Variants in TRIM22 observed in about 807,000 individuals in gnomAD.
The protein encoded by TRIM22 is tripartite motif containing 22.
A neutral mutation model predicts 53.6 loss-of-function variants in TRIM22; 45 were observed. The ratio of observed to expected loss-of-function variants is 0.84; its 90% CI spans 0.66 to 1.08. The LOEUF (loss-of-function observed/expected upper bound fraction) is 1.08, where lower values mean the gene tolerates loss of function less well. Ranked by LOEUF, TRIM22 falls within the 50% of genes least tolerant of loss-of-function variation. TRIM22 has a pLI of 0.00. For missense variants in TRIM22, 616 were observed against 590.9 expected (o/e 1.04, Z -0.44); for synonymous variants, 225 against 216.6 (o/e 1.04, Z -0.34).
At chr11:5,705,986 C>T (rs1853452166) in intron 4 of TRIM22, among the ~76,000 whole-genome samples, 1 of 152,098 alleles carries the variant, frequency 6.6e-6, no homozygotes, top group South Asian at 2.1e-4. Flanking sequence ...CTTTTGCTCA[C>T]GGCAACAGTA....
chr11:5,691,937 T>A (rs1277659142), intron 1 of TRIM22, among the ~76,000 whole-genome samples: 4 of 152,168 alleles, frequency 2.6e-5, no homozygotes, highest in African/African-American at 7.2e-5. Context: ...CAGGACCCAA[T>A]AAATAAAACT....
intron 4 of TRIM22, among the ~76,000 whole-genome samples, chr11:5,700,738 G>A (rs1414378030): frequency 2.6e-5 from 4 of 151,298 alleles, no homozygotes; most frequent in African/African-American, 4.9e-5. Context: ...GGGTTCAAGC[G>A]ATTCTCCTGC....
At chr11:5,707,841 G>T (rs1303725725) in intron 5 of TRIM22, among the ~76,000 whole-genome samples, 1 of 141,804 alleles carries the variant, frequency 7.1e-6, no homozygotes, top group South Asian at 2.1e-4. Context: ...ACAAACAAAA[G>T]CATTATTATT....
chr11:5,704,449 G>T (rs1469692447), intron 4 of TRIM22, among the ~76,000 whole-genome samples: 1 of 152,016 alleles, frequency 6.6e-6, no homozygotes, highest in African/African-American at 2.4e-5. Context: ...TTATCAGTTT[G>T]TTGAGAGGTT....
intron 1 of TRIM22, among the ~76,000 whole-genome samples, chr11:5,690,467 G>C (rs1023929914): frequency 6.6e-6 from 1 of 152,164 alleles, no homozygotes; most frequent in Admixed American, 6.5e-5. Flanking sequence ...GATGGGGAAG[G>C]GGTGTGTGTG....
chr11:5,701,817 C>G (rs922020667), intron 4 of TRIM22, among the ~76,000 whole-genome samples: 1 of 152,122 alleles, frequency 6.6e-6, no homozygotes, highest in East Asian at 1.9e-4. Flanking sequence ...GCCTCAAGAA[C>G]TGTGAGAGAC....
At chr11:5,708,699 G>A in intron 7 of TRIM22, 96 bp downstream of exon 7, 1 of 1,091,264 alleles carries the variant, frequency 9.2e-7, no homozygotes, top group South Asian at 1.7e-5. Flanking sequence ...CCCCAAACAT[G>A]CTTAAACCAT....
chr11:5,704,772 G>T (rs1194843319), intron 4 of TRIM22, among the ~76,000 whole-genome samples: 1 of 151,862 alleles, frequency 6.6e-6, no homozygotes, highest in East Asian at 1.9e-4. Context: ...TTAGGTCTTT[G>T]ATTTATTTTT....
At chr11:5,700,762 G>A (rs1365236717) in intron 4 of TRIM22, among the ~76,000 whole-genome samples, 1 of 151,640 alleles carries the variant, frequency 6.6e-6, no homozygotes, top group Non-Finnish European at 1.5e-5. Context: ...AGCTGGGACT[G>A]CAGGCCGCCC....
chr11:5,699,500 C>T (rs1395876144), intron 4 of TRIM22, among the ~76,000 whole-genome samples: 20 of 109,354 alleles, frequency 1.8e-4, no homozygotes, highest in African/African-American at 5.8e-4. Flanking sequence ...GTCCGCAGTC[C>T]GGCCTGGGCG....
At chr11:5,706,046 C>A (rs1207431701) in intron 4 of TRIM22, among the ~76,000 whole-genome samples, 1 of 152,058 alleles carries the variant, frequency 6.6e-6, no homozygotes, top group Non-Finnish European at 1.5e-5. Context: ...ATCCCTAAAG[C>A]CTGAAAAAAT....
At chr11:5,703,746 C>G (rs1200732167) in intron 4 of TRIM22, among the ~76,000 whole-genome samples, 1 of 151,984 alleles carries the variant, frequency 6.6e-6, no homozygotes, top group Non-Finnish European at 1.5e-5. Context: ...TTTTGTTTAT[C>G]CAGTCTACTA....
intron 2 of TRIM22, 32 bp from the exon 3 acceptor site, chr11:5,697,216 A>T (rs1226357809): frequency 3.9e-6 from 6 of 1,541,674 alleles, no homozygotes; most frequent in Non-Finnish European, 5.3e-6. Context: ...GAAAGCTCAT[A>T]ACTTTACTCT....
chr11:5,707,812 A>AAAAC (rs35942918), intron 5 of TRIM22, among the ~76,000 whole-genome samples: 8,611 of 151,798 alleles, frequency 0.057, 501 homozygotes, highest in Admixed American at 0.13. Context: ...ACCCCATCTC[A>AAAAC]AAACAAACAA....
At chr11:5,691,416 T>C (rs1853170752) in intron 1 of TRIM22, among the ~76,000 whole-genome samples, 1 of 152,208 alleles carries the variant, frequency 6.6e-6, no homozygotes, top group African/African-American at 2.4e-5. Flanking sequence ...CTATACAATG[T>C]CTGGAATCTA....
chr11:5,692,216 A>G (rs1293221726), intron 1 of TRIM22, among the ~76,000 whole-genome samples: 2 of 152,224 alleles, frequency 1.3e-5, no homozygotes, highest in African/African-American at 4.8e-5. Context: ...GCAACAAACT[A>G]AAAGGGCTGC....
intron 7 of TRIM22, among the ~76,000 whole-genome samples, 196 bp from the exon 8 acceptor site, chr11:5,708,857 C>T (rs2134184903): frequency 6.6e-6 from 1 of 152,216 alleles, no homozygotes; most frequent in Non-Finnish European, 1.5e-5. Flanking sequence ...GCTGGGATTA[C>T]AGGCGTGTGC....
In TRIM22 at chr11:5,709,441, G is replaced by A; in HGVS notation, c.1290G>A (p.Lys430=). 5 of 1,614,168 alleles carry A rather than the reference G, an allele frequency of 3.1e-6. No homozygotes were observed. Among genetic ancestry groups the A allele is most frequent in the Non-Finnish European group, 3.4e-6 (4 of 1,180,024 alleles). Residue 430 remains lysine (K), a synonymous_variant, in exon 8 of 8, where the codon AAG becomes AAA. Transcript: ENST00000379965. ...AFEDSSSSDP[K]VLTLFMAVPP... ...AGGACTCCTCCTCTTCTGATCCCAAGGTTTTGACTCTCTTTATGGCTGTGC... is the reference window on the plus strand; with the variant it reads ...AGGACTCCTCCTCTTCTGATCCCAAAGTTTTGACTCTCTTTATGGCTGTGC...
chr11:5,690,437 C>T (rs1329172150), intron 1 of TRIM22, among the ~76,000 whole-genome samples: 1 of 151,920 alleles, frequency 6.6e-6, no homozygotes, highest in East Asian at 1.9e-4. Flanking sequence ...ATAAGGTGGG[C>T]ACGTGAGGGA....
Sources: gnomAD v4.1 joint callset for allele counts (sites outside exome capture counted in the v4.1 genomes callset) on GRCh38, gnomAD v4.1.1 for gene constraint, MANE v1.5 for transcripts, NCBI Gene and HGNC (gene_info 2026-07-23, HGNC 2026-07-21) for gene names.